The following CNGA2 variants were observed in gnomAD, a reference collection of about 807,000 sequenced individuals.
The protein encoded by CNGA2 is cyclic nucleotide-gated channel alpha-2.
In CNGA2, 22 loss-of-function variants were observed where a neutral mutation model predicts 35.9. That is an observed-to-expected ratio of 0.61 (90% confidence interval 0.44 to 0.88). The LOEUF is 0.88. CNGA2 is among the 40% of genes least tolerant of loss of function. The pLI, the probability that CNGA2 is intolerant of heterozygous loss-of-function variation, is 0.00. For synonymous variants in CNGA2, 217 were observed against 209.2 expected, an observed-to-expected ratio of 1.04 and a Z score of -0.32; for missense variants, 555 against 530.8, an observed-to-expected ratio of 1.05 and a Z score of -0.45.
intron 5 of CNGA2, 129 bp downstream of exon 5, chrX:151,741,030 A>G: frequency 2.0e-6 from 1 of 495,398 alleles, no homozygotes; most frequent in Non-Finnish European, 3.6e-6. Context: ...CCCTCTCCCC[A>G]TTTAATATGC....
chrX:151,735,039 C>T (rs762119193), intron 1 of CNGA2, among the ~76,000 whole-genome samples, 96 bp downstream of exon 1: 1 of 111,777 alleles, frequency 8.9e-6, no homozygotes, highest in East Asian at 2.8e-4. Context: ...CTTGTTCCTT[C>T]TCTCTCTGAC....
Position 151,743,531 on chromosome X carries a change from C to A in CNGA2, c.1028C>A (p.Pro343His). 6 of 1,211,090 alleles carry A rather than the reference C, an allele frequency of 5.0e-6. No individual in the cohort carries two copies. In the East Asian group the frequency reaches 1.8e-4, roughly 36 times the overall value. Residue 343 changes from proline (P) to histidine (H), a missense_variant, in exon 7 of 7, where the codon CCC becomes CAC. Pro to His is a moderately conservative substitution (Grantham distance 77). Transcript: ENST00000329903. ...LTLTTIGETP[P>H]PVKDEEYLFV... ...CTCACTACCATTGGGGAGACACCAC[C>A]CCCTGTAAAGGATGAGGAGTACCTA...
intron 1 of CNGA2, among the ~76,000 whole-genome samples, chrX:151,736,775 C>T (rs963783127): frequency 9.0e-6 from 1 of 110,855 alleles, no homozygotes; most frequent in Non-Finnish European, 1.9e-5. Flanking sequence ...GTGACAGAAC[C>T]TTAGAGAGGA....
At chrX:151,737,840 G>A (rs1201683813) in intron 1 of CNGA2, among the ~76,000 whole-genome samples, 1 of 106,410 alleles carries the variant, frequency 9.4e-6, no homozygotes, top group Non-Finnish European at 1.9e-5. Context: ...GGCAGCCACT[G>A]CCCCAAAGCC....
intron 5 of CNGA2, 31 bp from the exon 6 acceptor site, chrX:151,742,505 G>C (rs1349219557): frequency 2.6e-6 from 3 of 1,134,761 alleles, no homozygotes; most frequent in Admixed American, 4.4e-5. Flanking sequence ...GGCTGGCTTT[G>C]GGGGTGAAGC....
Position 151,743,455 on chromosome X carries a change from G to A in CNGA2, c.952G>A (p.Gly318Ser). Residue 318 changes from glycine to serine, a missense_variant, in exon 7 of 7, where the codon GGC (glycine) becomes AGC (serine). By Grantham distance (56) the Gly-to-Ser change is moderately conservative (BLOSUM62 0). Coordinates refer to ENST00000329903, the MANE Select transcript of CNGA2 (RefSeq NM_005140.3). ...VYPNITDPEY[G>S]YLAREYIYCL... is the part of the protein sequence containing the mutation. ...CCCAAACATCACTGACCCTGAGTAT[G>A]GCTACCTGGCTAGGGAATACATCTA... 8.3e-7 allele frequency: 1 copy of A among 1,210,591 alleles called. No homozygotes were observed. Among genetic ancestry groups the A allele is most frequent in the Non-Finnish European group, 1.1e-6 (1 of 895,246 alleles).
At chrX:151,737,121 A>C (rs2015254519) in intron 1 of CNGA2, among the ~76,000 whole-genome samples, 1 of 111,695 alleles carries the variant, frequency 9.0e-6, no homozygotes, top group Non-Finnish European at 1.9e-5. Flanking sequence ...AGGCTGGAAC[A>C]AGCTTAGGCG....
At chrX:151,741,020 C>T (rs1331803297) in intron 5 of CNGA2, 119 bp downstream of exon 5, 3 of 515,651 alleles carry the variant, frequency 5.8e-6, no homozygotes, top group Non-Finnish European at 6.8e-6. Flanking sequence ...TTAACCCCAA[C>T]CCTCTCCCCA....
At chrX:151,735,211 T>A (rs2015234895) in intron 1 of CNGA2, among the ~76,000 whole-genome samples, 1 of 112,019 alleles carries the variant, frequency 8.9e-6, no homozygotes, top group Non-Finnish European at 1.9e-5. Flanking sequence ...TACCAAATAA[T>A]CATGCCTTAC....
Position 151,744,525 on chromosome X carries a change from C to T in CNGA2, c.*27C>T. ...ACCTGGGGCCCAACTGCCTCTCCAGCATTGGCCTTGGCCTTGATCCCAGAA... is the reference window on the plus strand; with the variant it reads ...ACCTGGGGCCCAACTGCCTCTCCAGTATTGGCCTTGGCCTTGATCCCAGAA... On this transcript the variant is annotated 3_prime_UTR_variant, in exon 7 of 7. Coordinates refer to ENST00000329903, the MANE Select transcript of CNGA2 (RefSeq NM_005140.3). 2 of 945,913 alleles carry T rather than the reference C, an allele frequency of 2.1e-6. No homozygotes were observed. The highest frequency in any genetic ancestry group is 3.7e-5 in the East Asian group (1 of 27,296). 78.0% of individuals were successfully genotyped at this position (945,913 alleles called of 1,213,427 possible).
chrX:151,737,949 G>T (rs1479530880), intron 1 of CNGA2, among the ~76,000 whole-genome samples: 1 of 106,420 alleles, frequency 9.4e-6, no homozygotes, highest in South Asian at 4.6e-4. Context: ...CCTCACTGGA[G>T]ACCACCTCAG....
rs1236228804 is a variant in CNGA2 at position 151,743,257 on chromosome X, C to T, written c.754C>T (p.His252Tyr). 10 of 1,203,291 alleles carry T rather than the reference C, an allele frequency of 8.3e-6. No homozygotes were observed. Among genetic ancestry groups the T allele is most frequent in the Non-Finnish European group, 1.1e-5 (10 of 893,734 alleles). The change falls in exon 7 of 7, where the codon CAC becomes TAC. Residue 252 changes from histidine (H) to tyrosine (Y), a missense_variant. Physicochemically the swap from His to Tyr is moderately conservative, Grantham distance 83. Transcript: ENST00000329903. ...SPEVRFNRLL[H>Y]FARMFEFFDR... ...TGAGGTGCGCTTCAACCGCCTGCTG[C>T]ACTTTGCCCGCATGTTTGAGTTCTT...
At chrX:151,739,104 G>C (rs1240356496) in intron 3 of CNGA2, among the ~76,000 whole-genome samples, 1 of 112,624 alleles carries the variant, frequency 8.9e-6, no homozygotes, top group Non-Finnish European at 1.9e-5. Flanking sequence ...ACATTTGGCT[G>C]TCTCAGCATC....
chrX:151,735,997 G>T (rs986967682), intron 1 of CNGA2, among the ~76,000 whole-genome samples: 2 of 111,348 alleles, frequency 1.8e-5, no homozygotes, highest in Non-Finnish European at 3.8e-5. Context: ...GAAGTACCCG[G>T]CATAGAACAC....
intron 6 of CNGA2, 62 bp from the exon 7 acceptor site, chrX:151,743,031 C>CATATATACGT (rs2015331005): frequency 6.1e-6 from 2 of 328,979 alleles, no homozygotes; most frequent in Non-Finnish European, 9.9e-6. Flanking sequence ...TATATATGCA[C>CATATATACGT]ATATATATGT....
intron 3 of CNGA2, 35 bp from the exon 4 acceptor site, chrX:151,739,527 G>A (rs765321684): frequency 1.7e-6 from 2 of 1,186,891 alleles, no homozygotes; most frequent in Admixed American, 2.2e-5. Flanking sequence ...CATGAGTCTT[G>A]GCTCTGGCTC....
intron 4 of CNGA2, 113 bp from the exon 5 acceptor site, chrX:151,740,679 CAT>C (rs1327650299): frequency 6.9e-6 from 4 of 583,893 alleles, no homozygotes; most frequent in Non-Finnish European, 8.8e-6. Context: ...TTTCACCCCA[CAT>C]ATACCCTTCG....
chrX:151,742,963 TATATATATGTATATATATAC>T, intron 6 of CNGA2, 110 bp from the exon 7 acceptor site: 1 of 63,280 alleles, frequency 1.6e-5, no homozygotes, highest in Non-Finnish European at 2.7e-5. Context: ...TATATATGTA[TATATATATGTATATATATAC>T]ATATATATGT....
At position 151,743,697 on chromosome X, in the gene CNGA2, C is replaced by T. The variant is rs1351027080; in HGVS notation, c.1194C>T (p.Phe398=). 2.5e-6 allele frequency: 3 copies of T among 1,209,727 alleles called. No individual in the cohort carries two copies. The African/African-American group carries it at 5.3e-5, about 21-fold the overall frequency. ...KIDAVKHYMQ[F]RKVSKGMEAK... ...ATGCCGTGAAACACTACATGCAGTT[C>T]CGAAAGGTCAGCAAGGGGATGGAAG... The change falls in exon 7 of 7, where the codon TTC becomes TTT. Residue 398 remains phenylalanine (F), a synonymous_variant. Coordinates refer to ENST00000329903, the MANE Select transcript of CNGA2 (RefSeq NM_005140.3).
Sources: gnomAD v4.1 joint callset for allele counts (sites outside exome capture counted in the v4.1 genomes callset) on GRCh38, gnomAD v4.1.1 for gene constraint, MANE v1.5 for transcripts, NCBI Gene and HGNC (gene_info 2026-07-23, HGNC 2026-07-21) for gene names.